The following GPATCH2 variants were observed in gnomAD, a reference collection of about 807,000 sequenced individuals.
GPATCH2 encodes the protein G patch domain-containing protein 2.
Under a neutral mutation model 58.0 loss-of-function variants are expected in GPATCH2, and 51 were observed. The ratio of observed to expected loss-of-function variants is 0.88; its 90% CI spans 0.70 to 1.11. The LOEUF (loss-of-function observed/expected upper bound fraction) is 1.11. Ranked by LOEUF, GPATCH2 falls within the 50% of genes most tolerant of loss-of-function variation. The probability of loss-of-function intolerance (pLI) is 0.00; values close to 1 mark genes in which losing one functional copy is unlikely to be tolerated. For synonymous variants in GPATCH2, 222 were observed against 218.5 expected (o/e 1.02, Z -0.14); for missense variants, 625 against 652.2 (o/e 0.96, Z 0.45).
At chr1:217,594,951 G>A (rs1158359966) in intron 5 of GPATCH2, among the ~76,000 whole-genome samples, 1 of 152,150 alleles carries the variant, frequency 6.6e-6, no homozygotes, top group Non-Finnish European at 1.5e-5. Flanking sequence ...CACCTTTAAG[G>A]AGCATGCCAA....
intron 5 of GPATCH2, among the ~76,000 whole-genome samples, chr1:217,561,120 C>G (rs992378612): frequency 2.0e-5 from 3 of 152,170 alleles, no homozygotes; most frequent in Non-Finnish European, 4.4e-5. Context: ...GAAAAGACCT[C>G]TATACTATTT....
At chr1:217,436,319 A>G (rs1285736348) in intron 9 of GPATCH2, among the ~76,000 whole-genome samples, 6 of 152,220 alleles carry the variant, frequency 3.9e-5, no homozygotes, top group African/African-American at 1.4e-4. Context: ...AGCATGTGGT[A>G]TATTTGTTAG....
intron 5 of GPATCH2, among the ~76,000 whole-genome samples, chr1:217,525,047 A>G (rs1663814546): frequency 6.7e-6 from 1 of 150,146 alleles, no homozygotes; most frequent in Non-Finnish European, 1.5e-5. Flanking sequence ...CATATATTTA[A>G]TTCACTTCAT....
chr1:217,623,637 C>T (rs1276752460), intron 1 of GPATCH2, among the ~76,000 whole-genome samples: 2 of 152,148 alleles, frequency 1.3e-5, no homozygotes, highest in African/African-American at 4.8e-5. Context: ...GGCGGTGGCT[C>T]ACGCCTGTAA....
intron 5 of GPATCH2, among the ~76,000 whole-genome samples, chr1:217,515,682 T>C (rs1378425436): frequency 6.6e-6 from 1 of 151,492 alleles, no homozygotes; most frequent in Non-Finnish European, 1.5e-5. Flanking sequence ...CACTCCAGCC[T>C]GGGTGACAGA....
chr1:217,536,332 T>C (rs1173766366), intron 5 of GPATCH2, among the ~76,000 whole-genome samples: 2 of 152,170 alleles, frequency 1.3e-5, no homozygotes, highest in Non-Finnish European at 2.9e-5. Flanking sequence ...AGAAAATACA[T>C]AGAAAAAATT....
chr1:217,431,647 T>G (rs192893936), intron 9 of GPATCH2, among the ~76,000 whole-genome samples: 226 of 152,310 alleles, frequency 1.5e-3, no homozygotes, highest in African/African-American at 5.3e-3. Context: ...ACAACCTACA[T>G]TGCCTATCTC....
intron 8 of GPATCH2, among the ~76,000 whole-genome samples, chr1:217,467,936 C>T (rs952602461): frequency 2.0e-5 from 3 of 152,140 alleles, no homozygotes; most frequent in African/African-American, 7.2e-5. Context: ...AAATAATCTC[C>T]CATTGGCCAC....
At chr1:217,602,583 T>C (rs575839689) in intron 5 of GPATCH2, among the ~76,000 whole-genome samples, 1 of 152,210 alleles carries the variant, frequency 6.6e-6, no homozygotes, top group South Asian at 2.1e-4. Context: ...GTTGGAGAGA[T>C]AATGAGGGAC....
At chr1:217,602,009 T>G (rs1041353308) in intron 5 of GPATCH2, among the ~76,000 whole-genome samples, 2 of 152,114 alleles carry the variant, frequency 1.3e-5, no homozygotes, top group African/African-American at 4.8e-5. Context: ...CCAGTAAAAA[T>G]TTAAGGGTTC....
intron 8 of GPATCH2, among the ~76,000 whole-genome samples, chr1:217,472,808 G>T (rs1048825193): frequency 1.3e-5 from 2 of 152,168 alleles, no homozygotes; most frequent in Non-Finnish European, 2.9e-5. Flanking sequence ...TTGCAGAACC[G>T]TTCTCCACGT....
At chr1:217,453,471 T>C (rs976399333) in intron 8 of GPATCH2, among the ~76,000 whole-genome samples, 3 of 152,202 alleles carry the variant, frequency 2.0e-5, no homozygotes, top group Non-Finnish European at 4.4e-5. Context: ...TTCCCAAGTA[T>C]TACTTCTGAA....
At position 217,514,830 on chromosome 1, in the gene GPATCH2, A is replaced by G. The variant is rs1444965972; in HGVS notation, c.1158T>C (p.His386=). ...ACACACTGAGTACTCACTCATGGTGATGAGAATCCGGGGAAAAATGAACCA... is the reference window on the plus strand; with the variant it reads ...ACACACTGAGTACTCACTCATGGTGGTGAGAATCCGGGGAAAAATGAACCA... ...KRMVHFSPDS[H]HHDHWFSPGA... The change falls in exon 6 of 10, where the codon CAT becomes CAC. Residue 386 remains histidine, a synonymous_variant. Coordinates refer to ENST00000366935, the MANE Select transcript of GPATCH2 (RefSeq NM_018040.5). 5 of 1,474,798 alleles carry G rather than the reference A, an allele frequency of 3.4e-6. No homozygotes were observed. Among genetic ancestry groups the G allele is most frequent in the Non-Finnish European group, 4.7e-6 (5 of 1,053,080 alleles). 91.4% of individuals were successfully genotyped at this position (1,474,798 alleles called of 1,614,324 possible). A position where few individuals can be genotyped will look rare whatever the true frequency, so the allele number is the denominator to read the frequency against.
intron 2 of GPATCH2, among the ~76,000 whole-genome samples, chr1:217,617,604 T>A (rs1271895446): frequency 6.6e-6 from 1 of 152,190 alleles, no homozygotes; most frequent in Non-Finnish European, 1.5e-5. Context: ...ATAAAGCTTT[T>A]TGTAGTAGGA....
At chr1:217,567,932 T>C (rs182176527) in intron 5 of GPATCH2, among the ~76,000 whole-genome samples, 149 of 152,210 alleles carry the variant, frequency 9.8e-4, no homozygotes, top group East Asian at 8.5e-3. Context: ...CTGGCTAACA[T>C]GGTGAAACCC....
intron 7 of GPATCH2, chr1:217,498,145 C>T (rs571725745): frequency 3.1e-6 from 2 of 640,976 alleles, no homozygotes; most frequent in Non-Finnish European, 5.6e-6. Flanking sequence ...TGACTGAAGA[C>T]AGTGGCAGTA....
intron 5 of GPATCH2, among the ~76,000 whole-genome samples, chr1:217,573,118 G>A (rs1196141222): frequency 6.6e-6 from 1 of 152,110 alleles, no homozygotes; most frequent in African/African-American, 2.4e-5. Context: ...TACCGTAAAA[G>A]ATTACTTGTC....
intron 5 of GPATCH2, among the ~76,000 whole-genome samples, chr1:217,529,970 C>G (rs1353700928): frequency 6.6e-6 from 1 of 152,158 alleles, no homozygotes; most frequent in Non-Finnish European, 1.5e-5. Flanking sequence ...AGCTTTTTCA[C>G]TGTTTCATAG....
chr1:217,606,521 G>T (rs1668368782), intron 5 of GPATCH2, among the ~76,000 whole-genome samples: 1 of 152,016 alleles, frequency 6.6e-6, no homozygotes, highest in Non-Finnish European at 1.5e-5. Context: ...ACTCTGAGAG[G>T]CTTGAGCCCA....
Sources: allele counts gnomAD v4.1 joint callset (sites outside exome capture counted in the v4.1 genomes callset), GRCh38; gene constraint gnomAD v4.1.1; transcripts MANE v1.5; gene names NCBI Gene and HGNC (gene_info 2026-07-23, HGNC 2026-07-21).